CDKAL1: variants seen among roughly 807,000 people sequenced by gnomAD.
CDKAL1 encodes CDKAL1 threonylcarbamoyladenosine tRNA methylthiotransferase.
In CDKAL1, 32 loss-of-function variants were observed where a neutral mutation model predicts 68.2. The observed-to-expected ratio is 0.47, with a 90% CI of 0.35 to 0.63. The LOEUF (loss-of-function observed/expected upper bound fraction) is 0.63, where lower values mean the gene tolerates loss of function less well. Ranked by LOEUF, CDKAL1 falls within the 30% of genes least tolerant of loss-of-function variation. The pLI is 0.00. For synonymous variants in CDKAL1, 234 were observed against 244.3 expected (o/e 0.96, Z 0.39); for missense variants, 606 against 696.7 (o/e 0.87, Z 1.47).
intron 15 of CDKAL1, among the ~76,000 whole-genome samples, chr6:21,225,117 G>C (rs1779687762): frequency 6.6e-6 from 1 of 152,150 alleles, no homozygotes; most frequent in African/African-American, 2.4e-5. Flanking sequence ...CAGGAGCCAG[G>C]ATCCAGCAGG....
intron 9 of CDKAL1, among the ~76,000 whole-genome samples, chr6:20,913,923 T>G (rs1308928127): frequency 6.6e-6 from 1 of 151,966 alleles, no homozygotes; most frequent in African/African-American, 2.4e-5. Context: ...CCCAGGAGTT[T>G]GAGGTTACAT....
At position 20,640,559 on chromosome 6, in the gene CDKAL1, A is replaced by C. The variant is rs146874441; in HGVS notation, c.287-8734A>C. ...TCATTACCAAAGGCCAAGACATGAC[A>C]TGTTCAAGATCTTAGAAATTTTGAA... On this transcript the variant is annotated intron_variant, in intron 4 of 15. Coordinates refer to ENST00000274695, the MANE Select transcript of CDKAL1 (RefSeq NM_017774.3). 3.6e-3 allele frequency among the ~76,000 whole-genome samples: 548 copies of C among 152,310 alleles called. 1 individual carries two copies. The highest frequency in any genetic ancestry group is 6.2e-3 in the Non-Finnish European group (419 of 68,026).
chr6:20,598,434 A>C (rs540559388), intron 4 of CDKAL1, among the ~76,000 whole-genome samples: 3,667 of 152,290 alleles, frequency 0.024, 135 homozygotes, highest in African/African-American at 0.078. Flanking sequence ...AAAATAGGTT[A>C]CAGCCATTTT....
intron 13 of CDKAL1, among the ~76,000 whole-genome samples, chr6:21,182,105 A>C (rs1466445408): frequency 6.6e-6 from 1 of 152,220 alleles, no homozygotes. Context: ...TGGCAACCAC[A>C]AAAGTCTATG....
chr6:20,685,832 T>TC (rs1315393025), intron 5 of CDKAL1, among the ~76,000 whole-genome samples: 2 of 152,194 alleles, frequency 1.3e-5, no homozygotes, highest in African/African-American at 4.8e-5. Flanking sequence ...CAAGTGATCC[T>TC]CTCACCTTGG....
intron 5 of CDKAL1, among the ~76,000 whole-genome samples, chr6:20,674,996 T>G (rs1017887464): frequency 2.0e-5 from 3 of 152,184 alleles, no homozygotes; most frequent in Non-Finnish European, 4.4e-5. Flanking sequence ...TTACATCTAT[T>G]AATATGACAT....
chr6:20,827,324 A>T (rs1241914065), intron 8 of CDKAL1, among the ~76,000 whole-genome samples: 1 of 152,146 alleles, frequency 6.6e-6, no homozygotes, highest in Non-Finnish European at 1.5e-5. Context: ...TTAGCTAAAT[A>T]TATGTAAAGT....
intron 9 of CDKAL1, among the ~76,000 whole-genome samples, chr6:20,851,566 T>C (rs1205423008): frequency 6.6e-6 from 1 of 152,104 alleles, no homozygotes; most frequent in African/African-American, 2.4e-5. Flanking sequence ...TTACTACTTT[T>C]TGGCTCCCTC....
chr6:21,152,204 C>CCAG (rs1185950515), intron 13 of CDKAL1, among the ~76,000 whole-genome samples: 1 of 152,126 alleles, frequency 6.6e-6, no homozygotes, highest in East Asian at 1.9e-4. Flanking sequence ...TTCTTTCTTC[C>CCAG]CCTAAACTCT....
At chr6:21,158,244 T>C (rs1164450656) in intron 13 of CDKAL1, among the ~76,000 whole-genome samples, 1 of 152,236 alleles carries the variant, frequency 6.6e-6, no homozygotes, top group Non-Finnish European at 1.5e-5. Flanking sequence ...CAACCTTTAT[T>C]GAGGACAGTA....
chr6:20,836,446 C>G (rs961520607), intron 8 of CDKAL1, among the ~76,000 whole-genome samples: 1 of 152,070 alleles, frequency 6.6e-6, no homozygotes, highest in Non-Finnish European at 1.5e-5. Context: ...GAATCCAGGT[C>G]TTTCTTATGA....
chr6:21,067,476 G>A (rs576034459), intron 12 of CDKAL1, among the ~76,000 whole-genome samples: 3 of 152,260 alleles, frequency 2.0e-5, no homozygotes, highest in East Asian at 3.9e-4. Flanking sequence ...GCCGGGCGTG[G>A]TGGTGGGCGC....
At chr6:20,728,785 A>G (rs1249974509) in intron 5 of CDKAL1, among the ~76,000 whole-genome samples, 1 of 152,186 alleles carries the variant, frequency 6.6e-6, no homozygotes, top group Non-Finnish European at 1.5e-5. Flanking sequence ...TAGATTCGCT[A>G]TATTCTCTAT....
At chr6:20,995,732 T>C (rs906114625) in intron 10 of CDKAL1, among the ~76,000 whole-genome samples, 1 of 152,178 alleles carries the variant, frequency 6.6e-6, no homozygotes, top group Non-Finnish European at 1.5e-5. Context: ...TTCAGAATGG[T>C]AAATGAGAAT....
In CDKAL1 at chr6:21,152,515, T is replaced by G. The variant is rs547087309; in HGVS notation, c.1299+44052T>G. ...ACTTGTCATATGACCCCCACAAACA[T>G]TCACTCAGCGAACATTCGTCCAGTC... On this transcript the variant is annotated intron_variant, in intron 13 of 15. Transcript: ENST00000274695. 1.4e-4 allele frequency among the ~76,000 whole-genome samples: 21 copies of G among 152,264 alleles called. No homozygotes were observed. The South Asian group carries it at 4.2e-3, about 30-fold the overall frequency.
chr6:21,028,236 T>C (rs932440701), intron 11 of CDKAL1, among the ~76,000 whole-genome samples: 1 of 152,176 alleles, frequency 6.6e-6, no homozygotes, highest in Non-Finnish European at 1.5e-5. Context: ...TCAACAATAG[T>C]AATAGTTAAC....
chr6:20,837,294 AT>A (rs922460992), intron 8 of CDKAL1, among the ~76,000 whole-genome samples: 18 of 150,212 alleles, frequency 1.2e-4, no homozygotes, highest in South Asian at 4.2e-4. Flanking sequence ...GAAATATAAG[AT>A]TTTTTTTTTC....
chr6:20,555,425 A>G (rs1310815715), intron 4 of CDKAL1, among the ~76,000 whole-genome samples: 2 of 151,784 alleles, frequency 1.3e-5, no homozygotes, highest in Non-Finnish European at 1.5e-5. Context: ...AGTTCAAGCA[A>G]TTCTCCTGCC....
chr6:20,685,904 C>T (rs1770596940), intron 5 of CDKAL1, among the ~76,000 whole-genome samples: 1 of 152,012 alleles, frequency 6.6e-6, no homozygotes, highest in Non-Finnish European at 1.5e-5. Context: ...AGTTTATTTT[C>T]TATAGATCAT....
Sources: allele counts gnomAD v4.1 joint callset (sites outside exome capture counted in the v4.1 genomes callset), GRCh38; gene constraint gnomAD v4.1.1; transcripts MANE v1.5; gene names NCBI Gene and HGNC (gene_info 2026-07-23, HGNC 2026-07-21).